SNX4: variants seen among roughly 807,000 people sequenced by gnomAD.
SNX4 encodes sorting nexin-4.
Under a neutral mutation model 70.8 loss-of-function variants are expected in SNX4, and 49 were observed. The ratio of observed to expected loss-of-function variants is 0.69; its 90% confidence interval spans 0.55 to 0.88. The LOEUF is 0.88. Among genes scored for constraint, SNX4 ranks in the 40% least tolerant of loss-of-function variants. SNX4 has a pLI of 0.00. For synonymous variants in SNX4, 206 were observed against 183.8 expected, an observed-to-expected ratio of 1.12 and a Z score of -0.98; for missense variants, 528 against 544.8, an observed-to-expected ratio of 0.97 and a Z score of 0.31.
chr3:125,447,565 A>C lies in SNX4; in HGVS notation c.*214T>G, dbSNP rs1399072306. 2.4e-6 allele frequency: 1 copy of C among 417,384 alleles called. No individual in the cohort carries two copies. The highest frequency in any genetic ancestry group is 2.1e-5 in the African/African-American group (1 of 48,112). The allele number at this position is 417,384 out of a possible 1,614,324, so 25.9% of individuals were successfully genotyped here. ...ATTAAATTAACTTTTTGGAATCAGCACCAGTCCCCAAAACCTCAAATTATA... is the reference window on the plus strand; with the variant it reads ...ATTAAATTAACTTTTTGGAATCAGCCCCAGTCCCCAAAACCTCAAATTATA... On this transcript the variant is annotated 3_prime_UTR_variant, in exon 14 of 14. Coordinates refer to ENST00000251775, the MANE Select transcript of SNX4 (RefSeq NM_003794.4).
At position 125,465,240 on chromosome 3, in the gene SNX4, C is replaced by CT. The variant is rs76799258; in HGVS notation, c.854+4213dup. Among the ~76,000 whole-genome samples the CT allele has an allele frequency of 2.4e-3, 347 of 142,408 alleles. 1 individual carries two copies. Among genetic ancestry groups the CT allele is most frequent in the African/African-American group, 5.8e-3 (228 of 39,100 alleles). The allele number at this position is 142,408 out of a possible 152,430, so 93.4% of individuals were successfully genotyped here. On this transcript the variant is annotated intron_variant, in intron 9 of 13. Transcript: ENST00000251775. ...TTCATAACTTAGCTTTATAGTAAAT[C>CT]TTTTTTTTTTTTTTGGGAGGTGGGG...
intron 1 of SNX4, among the ~76,000 whole-genome samples, chr3:125,506,032 A>G (rs1935035283): frequency 6.6e-6 from 1 of 152,220 alleles, no homozygotes; most frequent in South Asian, 2.1e-4. Flanking sequence ...GGAAAGATCT[A>G]TAAAGACTTT....
chr3:125,518,388 G>A (rs993198874), intron 1 of SNX4, among the ~76,000 whole-genome samples: 3 of 152,080 alleles, frequency 2.0e-5, no homozygotes, highest in African/African-American at 7.2e-5. Context: ...CTTGAGGCCA[G>A]GAGGTCAAGG....
intron 2 of SNX4, 30 bp downstream of exon 2, chr3:125,504,593 A>G (rs1315403987): frequency 5.0e-6 from 8 of 1,597,496 alleles, no homozygotes; most frequent in African/African-American, 1.3e-5. Context: ...CTTTCTGTCT[A>G]CCTGCCCAGG....
intron 5 of SNX4, among the ~76,000 whole-genome samples, chr3:125,492,057 G>A (rs563070315): frequency 7.4e-6 from 1 of 135,602 alleles, no homozygotes; most frequent in African/African-American, 2.8e-5. Flanking sequence ...GCAGTGAGCC[G>A]AGATCGCGCC....
intron 13 of SNX4, 142 bp downstream of exon 13, chr3:125,451,163 C>A: frequency 1.6e-5 from 7 of 441,620 alleles, no homozygotes; most frequent in Non-Finnish European, 2.8e-5. Context: ...AACAGAAATC[C>A]TACAAAATTA....
At chr3:125,501,062 T>C (rs1934921249) in intron 2 of SNX4, among the ~76,000 whole-genome samples, 2 of 152,100 alleles carry the variant, frequency 1.3e-5, no homozygotes, top group Non-Finnish European at 2.9e-5. Flanking sequence ...TGTCCACAAC[T>C]GTCTGCAAAA....
intron 6 of SNX4, 81 bp from the exon 7 acceptor site, chr3:125,480,400 C>T (rs1374319280): frequency 1.6e-5 from 12 of 744,410 alleles, no homozygotes; most frequent in Non-Finnish European, 2.5e-5. Context: ...CAGTAGTTCC[C>T]GACAATAACA....
At chr3:125,478,681 A>G (rs1934340196) in intron 7 of SNX4, among the ~76,000 whole-genome samples, 1 of 152,022 alleles carries the variant, frequency 6.6e-6, no homozygotes, top group South Asian at 2.1e-4. Flanking sequence ...CTAAAAGCTG[A>G]GCATTCATCC....
intron 1 of SNX4, among the ~76,000 whole-genome samples, chr3:125,517,920 T>A (rs759702895): frequency 5.9e-5 from 9 of 151,722 alleles, no homozygotes; most frequent in Middle Eastern, 3.5e-3. Flanking sequence ...AGGTCTGCAG[T>A]GACCCGAGAT....
chr3:125,477,269 T>C (rs2107543118), intron 7 of SNX4, among the ~76,000 whole-genome samples: 1 of 152,338 alleles, frequency 6.6e-6, no homozygotes. Flanking sequence ...TATTGAGATA[T>C]AGTTTTATAT....
At chr3:125,495,368 C>T (rs1387975052) in intron 5 of SNX4, among the ~76,000 whole-genome samples, 2 of 149,638 alleles carry the variant, frequency 1.3e-5, no homozygotes, top group African/African-American at 2.5e-5. Flanking sequence ...GCAAAAAGGT[C>T]CCATTTCCCT....
intron 1 of SNX4, among the ~76,000 whole-genome samples, chr3:125,513,466 T>G (rs1935212288): frequency 6.6e-6 from 1 of 151,878 alleles, no homozygotes; most frequent in South Asian, 2.1e-4. Context: ...ATATCAAGAG[T>G]TTTTAAAGTT....
intron 2 of SNX4, 136 bp from the exon 3 acceptor site, chr3:125,498,330 C>A: frequency 1.1e-6 from 1 of 878,326 alleles, no homozygotes; most frequent in Non-Finnish European, 1.7e-6. Flanking sequence ...ATACATTTTT[C>A]TTTTTTTTCA....
intron 10 of SNX4, among the ~76,000 whole-genome samples, chr3:125,459,202 A>C (rs1933811448): frequency 6.6e-6 from 1 of 152,092 alleles, no homozygotes; most frequent in Non-Finnish European, 1.5e-5. Flanking sequence ...AAATACAACA[A>C]GAAAGTTCAA....
intron 11 of SNX4, among the ~76,000 whole-genome samples, chr3:125,454,343 G>C (rs1933655877): frequency 6.6e-6 from 1 of 152,172 alleles, no homozygotes; most frequent in South Asian, 2.1e-4. Flanking sequence ...ATTCTCTTAG[G>C]AGCACGAACC....
intron 13 of SNX4, chr3:125,449,093 T>C (rs1176437382): frequency 2.6e-5 from 4 of 152,158 alleles, no homozygotes; most frequent in African/African-American, 7.2e-5. Flanking sequence ...TTATTAAGGT[T>C]TTGAACAATT....
chr3:125,476,613 A>C, intron 8 of SNX4, 82 bp downstream of exon 8: 1 of 844,772 alleles, frequency 1.2e-6, no homozygotes, highest in South Asian at 1.5e-5. Flanking sequence ...TTCTCTCCAC[A>C]CTCATAAATG....
intron 9 of SNX4, among the ~76,000 whole-genome samples, chr3:125,465,894 C>T (rs1487873931): frequency 2.6e-5 from 4 of 152,168 alleles, no homozygotes; most frequent in African/African-American, 9.7e-5. Flanking sequence ...CCACCTGTCT[C>T]GGCATCCCAA....
Sources: gnomAD v4.1 joint callset for allele counts (sites outside exome capture counted in the v4.1 genomes callset) on GRCh38, gnomAD v4.1.1 for gene constraint, MANE v1.5 for transcripts, NCBI Gene and HGNC (gene_info 2026-07-23, HGNC 2026-07-21) for gene names.